The following LINGO2 variants were observed in gnomAD, a reference collection of about 807,000 sequenced individuals.
LINGO2 encodes the protein leucine rich repeat and Ig domain containing 2, also known as leucine-rich repeat and immunoglobulin-like domain-containing nogo receptor-interacting protein 2.
A neutral mutation model predicts 30.6 loss-of-function variants in LINGO2; 14 were observed. That is an observed-to-expected ratio of 0.46 (90% CI 0.30 to 0.72). The LOEUF is 0.72. LINGO2 is among the 30% of genes least tolerant of loss of function. LINGO2 has a pLI of 0.07. For missense variants in LINGO2, 729 were observed against 751.7 expected (o/e 0.97, Z 0.35); for synonymous variants, 317 against 288.5 (o/e 1.10, Z -1.00).
intron 5 of LINGO2, among the ~76,000 whole-genome samples, chr9:27,982,474 T>C (rs1563879860): frequency 6.6e-6 from 1 of 151,852 alleles, no homozygotes; most frequent in East Asian, 1.9e-4. Context: ...CTAATATTTA[T>C]TAAGTGTTTC....
intron 1 of LINGO2, among the ~76,000 whole-genome samples, chr9:28,485,655 C>A (rs1226755114): frequency 6.6e-6 from 1 of 152,034 alleles, no homozygotes; most frequent in Non-Finnish European, 1.5e-5. Flanking sequence ...AAAGAGTCTT[C>A]CATTGCTCTA....
chr9:28,519,558 C>A lies in LINGO2; in HGVS notation c.-364-43533G>T, dbSNP rs1820753254. Among the ~76,000 whole-genome samples the A allele has an allele frequency of 2.0e-5, 3 of 152,172 alleles. No homozygotes were observed. In the South Asian group the frequency reaches 6.2e-4, roughly 32 times the overall value. On this transcript the variant is annotated intron_variant, in intron 1 of 5. Coordinates refer to ENST00000379992, the Ensembl canonical transcript of LINGO2. ...TCCTCTGTACTGTGGTTGCTACCAT[C>A]AAACTTTTAAATCATGTTTATGTAA...
At chr9:28,953,130 T>C in the LINGO2 span, among the ~76,000 whole-genome samples, 8 of 152,112 alleles carry the variant, frequency 5.3e-5, no homozygotes, top group Admixed American at 5.2e-4. Flanking sequence ...GGGGTACATA[T>C]GTTTGGTCTG....
the LINGO2 span, among the ~76,000 whole-genome samples, chr9:28,943,014 G>C: frequency 6.6e-6 from 1 of 152,184 alleles, no homozygotes; most frequent in East Asian, 1.9e-4. Flanking sequence ...AGCAGTGACA[G>C]ACAGAATGAT....
chr9:28,994,046 G>T, the LINGO2 span, among the ~76,000 whole-genome samples: 1 of 151,464 alleles, frequency 6.6e-6, no homozygotes, highest in African/African-American at 2.4e-5. Context: ...GGAAATAAAG[G>T]GTATTCAGTT....
the LINGO2 span, among the ~76,000 whole-genome samples, chr9:28,935,476 T>C: frequency 6.6e-6 from 1 of 152,128 alleles, no homozygotes; most frequent in Non-Finnish European, 1.5e-5. Context: ...GTTAAGGCAA[T>C]GTAATGAATG....
chr9:28,427,045 A>G (rs181673519), intron 2 of LINGO2, among the ~76,000 whole-genome samples: 2 of 152,072 alleles, frequency 1.3e-5, no homozygotes, highest in Admixed American at 6.6e-5. Flanking sequence ...AGAAAACCTA[A>G]TATCTGGTTT....
chr9:28,288,568 T>C (rs1228121013), intron 4 of LINGO2, among the ~76,000 whole-genome samples: 1 of 152,154 alleles, frequency 6.6e-6, no homozygotes, highest in Non-Finnish European at 1.5e-5. Flanking sequence ...TTGTTTTTTC[T>C]TTGGTAGGTG....
At chr9:28,010,388 C>G in intron 5 of LINGO2, among the ~76,000 whole-genome samples, 1 of 152,166 alleles carries the variant, frequency 6.6e-6, no homozygotes, top group East Asian at 1.9e-4. Flanking sequence ...ACACTGAGAC[C>G]TCACTCCTCT....
chr9:28,784,946 CA>C, the LINGO2 span, among the ~76,000 whole-genome samples: 17,646 of 89,696 alleles, frequency 0.2, 1,586 homozygotes, highest in African/African-American at 0.38. Context: ...GACTCTGTCT[CA>C]AAAAAAAAAA....
the LINGO2 span, among the ~76,000 whole-genome samples, chr9:28,915,479 G>C: frequency 6.6e-6 from 1 of 152,128 alleles, no homozygotes; most frequent in African/African-American, 2.4e-5. Flanking sequence ...CACACCTTGA[G>C]AATCATTAAC....
At chr9:28,470,180 A>T (rs1306401591) in intron 2 of LINGO2, among the ~76,000 whole-genome samples, 1 of 152,192 alleles carries the variant, frequency 6.6e-6, no homozygotes, top group Non-Finnish European at 1.5e-5. Flanking sequence ...TGATAGCTAT[A>T]CAATAATGAG....
the LINGO2 span, among the ~76,000 whole-genome samples, chr9:29,158,601 T>C: frequency 6.6e-6 from 1 of 152,106 alleles, no homozygotes; most frequent in Admixed American, 6.6e-5. Flanking sequence ...GACATTCATC[T>C]CTATTGTGGA....
At chr9:29,114,225 G>A in the LINGO2 span, among the ~76,000 whole-genome samples, 1 of 151,238 alleles carries the variant, frequency 6.6e-6, no homozygotes, top group Non-Finnish European at 1.5e-5. Context: ...GAGTCACTGT[G>A]GCTTCAAGTA....
chr9:28,286,021 T>C (rs1035029550), intron 4 of LINGO2, among the ~76,000 whole-genome samples: 13 of 152,200 alleles, frequency 8.5e-5, no homozygotes, highest in Admixed American at 3.9e-4. Context: ...AAAGGCAACA[T>C]GATACCTAAT....
intron 4 of LINGO2, among the ~76,000 whole-genome samples, chr9:28,177,022 C>T (rs957858623): frequency 2.6e-5 from 4 of 152,106 alleles, no homozygotes; most frequent in Admixed American, 6.5e-5. Flanking sequence ...GATTTGATTG[C>T]GATAGCATTT....
At chr9:28,074,585 GACTT>G (rs954982175) in intron 4 of LINGO2, among the ~76,000 whole-genome samples, 3 of 152,116 alleles carry the variant, frequency 2.0e-5, no homozygotes, top group African/African-American at 7.2e-5. Context: ...AGTACATAGA[GACTT>G]ACTGCAGAAA....
At chr9:29,082,495 C>T in the LINGO2 span, among the ~76,000 whole-genome samples, 1 of 152,066 alleles carries the variant, frequency 6.6e-6, no homozygotes, top group Non-Finnish European at 1.5e-5. Context: ...AAAACCTAGG[C>T]AATACCATTC....
Position 28,561,782 on chromosome 9 carries a change from A to AT in LINGO2, c.-364-85758_-364-85757insA, listed in dbSNP as rs1563826654. Among the ~76,000 whole-genome samples the AT allele has an allele frequency of 3.4e-3, 247 of 73,596 alleles. 47 individuals carry two copies. Among genetic ancestry groups the AT allele is most frequent in the Middle Eastern group, 8.1e-3 (1 of 124 alleles). The allele number at this position is 73,596 out of a possible 152,430, so 48.3% of individuals were successfully genotyped here. A position where few individuals can be genotyped will look rare whatever the true frequency, so the allele number is the denominator to read the frequency against. ...ATATATATATATATATATATATATA[A>AT]AAAATATGCTACTAGAACTGAAAAA... On this transcript the variant is annotated intron_variant, in intron 1 of 5. Coordinates refer to ENST00000379992, the Ensembl canonical transcript of LINGO2.
Sources: allele counts gnomAD v4.1 joint callset (sites outside exome capture counted in the v4.1 genomes callset), GRCh38; gene constraint gnomAD v4.1.1; transcripts MANE v1.5; gene names NCBI Gene and HGNC (gene_info 2026-07-23, HGNC 2026-07-21).